The following ARPC5L variants were observed in gnomAD, a reference collection of about 807,000 sequenced individuals.
ARPC5L encodes the protein actin related protein 2/3 complex subunit 5 like.
Under a neutral mutation model 16.9 loss-of-function variants are expected in ARPC5L, and 4 were observed. The observed-to-expected ratio is 0.24, with a 90% CI of 0.12 to 0.54. The LOEUF (loss-of-function observed/expected upper bound fraction) is 0.54. Among genes scored for constraint, ARPC5L ranks in the 20% least tolerant of loss-of-function variants. The pLI is 0.95. For synonymous variants in ARPC5L, 78 were observed against 82.6 expected, an observed-to-expected ratio of 0.94 and a Z score of 0.30; for missense variants, 151 against 201.9, an observed-to-expected ratio of 0.75 and a Z score of 1.53.
At chr9:124,876,704 C>T (rs1201532371) in intron 5 of ARPC5L, among the ~76,000 whole-genome samples, 174 bp from the exon 6 acceptor site, 1 of 152,108 alleles carries the variant, frequency 6.6e-6, no homozygotes, top group Non-Finnish European at 1.5e-5. Flanking sequence ...CTCTCGGGAC[C>T]CCACGGCTCC....
At chr9:124,876,357 G>T (rs571480213) in intron 5 of ARPC5L, among the ~76,000 whole-genome samples, 1 of 151,464 alleles carries the variant, frequency 6.6e-6, no homozygotes, top group Non-Finnish European at 1.5e-5. Context: ...GGTGGTGGCG[G>T]GCGCCTGTAA....
chr9:124,864,753 C>T, intron 2 of ARPC5L, among the ~76,000 whole-genome samples: 1 of 152,204 alleles, frequency 6.6e-6, no homozygotes, highest in South Asian at 2.1e-4. Context: ...ATCCGCCTGC[C>T]TCAGCCTCCC....
rs1199351627 is a variant in ARPC5L, at chr9:124,877,121, G to C, written c.*181G>C. 6.6e-6 allele frequency: 4 copies of C among 604,132 alleles called. No individual in the cohort carries two copies. In the Admixed American group the frequency reaches 9.1e-5, roughly 14 times the overall value. 37.4% of individuals were successfully genotyped at this position (604,132 alleles called of 1,614,324 possible). ...GAAAATCGTCTGTTTCCTAAATCCT[G>C]TTTAGGATCTGATAGTCTATGCCTT... On this transcript the variant is annotated 3_prime_UTR_variant, in exon 6 of 6. Coordinates refer to ENST00000353214, the MANE Select transcript of ARPC5L (RefSeq NM_030978.3).
In ARPC5L at chr9:124,876,989, G is replaced by C. The variant is rs1035029786; in HGVS notation, c.*49G>C. On this transcript the variant is annotated 3_prime_UTR_variant, in exon 6 of 6. Coordinates refer to ENST00000353214, the MANE Select transcript of ARPC5L (RefSeq NM_030978.3). ...CCTTGAGAAGAATTCTGGATGCCCA[G>C]GCTGGTGAAGAAGGGATTGACAATG... 1.3e-6 allele frequency: 2 copies of C among 1,506,780 alleles called. No homozygotes were observed. Among genetic ancestry groups the C allele is most frequent in the Non-Finnish European group, 1.8e-6 (2 of 1,099,798 alleles). The allele number at this position is 1,506,780 out of a possible 1,614,324, so 93.3% of individuals were successfully genotyped here. A position where few individuals can be genotyped will look rare whatever the true frequency, so the allele number is the denominator to read the frequency against.
chr9:124,873,833 G>C, intron 4 of ARPC5L, 69 bp downstream of exon 4: 4 of 1,572,836 alleles, frequency 2.5e-6, no homozygotes, highest in Non-Finnish European at 3.5e-6. Context: ...TGCCCAGTGC[G>C]AGTGTGAGCT....
At chr9:124,871,639 A>G (rs1829361927) in intron 3 of ARPC5L, among the ~76,000 whole-genome samples, 1 of 152,236 alleles carries the variant, frequency 6.6e-6, no homozygotes, top group Admixed American at 6.5e-5. Flanking sequence ...AGCACCTGGC[A>G]CAGGATCCGA....
intron 2 of ARPC5L, among the ~76,000 whole-genome samples, chr9:124,867,787 C>A: frequency 6.6e-6 from 1 of 150,440 alleles, no homozygotes; most frequent in South Asian, 2.1e-4. Context: ...TCCAGGACCC[C>A]TGAGACTTTT....
At chr9:124,862,871 C>T (rs1011939432) in intron 1 of ARPC5L, among the ~76,000 whole-genome samples, 12 of 150,234 alleles carry the variant, frequency 8.0e-5, no homozygotes, top group Admixed American at 8.0e-4. Flanking sequence ...TTTTTTCAGA[C>T]AGGGTCTCGC....
chr9:124,874,367 C>G (rs1230505237), intron 4 of ARPC5L, among the ~76,000 whole-genome samples: 1 of 152,088 alleles, frequency 6.6e-6, no homozygotes, highest in Non-Finnish European at 1.5e-5. Flanking sequence ...TAGTCCACCA[C>G]CATTGTGGAG....
chr9:124,866,727 TA>T lies in ARPC5L; in HGVS notation c.-863-1692del, dbSNP rs201100977. Reference sequence around the variant, plus strand: ...GAGCAAAACTCCGTCTCAAAAAAATTAAAAAAAAATTTACCCAGCTTGTTCC... The same window carrying T: ...GAGCAAAACTCCGTCTCAAAAAAATTAAAAAAAATTTACCCAGCTTGTTCC... On this transcript the variant is annotated intron_variant, in intron 2 of 5. Coordinates refer to ENST00000353214, the MANE Select transcript of ARPC5L (RefSeq NM_030978.3). Among the ~76,000 whole-genome samples, 58 of 151,610 alleles carry T rather than the reference TA, an allele frequency of 3.8e-4. No individual in the cohort carries two copies. In the East Asian group the frequency reaches 0.011, roughly 29 times the overall value.
chr9:124,870,132 C>G (rs936787709), intron 3 of ARPC5L, among the ~76,000 whole-genome samples: 1 of 152,174 alleles, frequency 6.6e-6, no homozygotes, highest in Non-Finnish European at 1.5e-5. Context: ...TTGGCTCCCC[C>G]CAGTACCCTT....
At chr9:124,863,044 AG>A (rs1829225007) in intron 1 of ARPC5L, among the ~76,000 whole-genome samples, 1 of 151,878 alleles carries the variant, frequency 6.6e-6, no homozygotes. Context: ...GCTGTTGCCC[AG>A]GGTGGTCTCC....
intron 3 of ARPC5L, 137 bp downstream of exon 3, chr9:124,869,576 G>C: frequency 7.4e-7 from 1 of 1,343,218 alleles, no homozygotes; most frequent in Non-Finnish European, 9.6e-7. Context: ...CCAGCTCCCT[G>C]CCGACCCGGC....
chr9:124,873,874 CT>C, intron 4 of ARPC5L, 110 bp downstream of exon 4: 1 of 1,328,626 alleles, frequency 7.5e-7, no homozygotes, highest in East Asian at 2.3e-5. Context: ...TGAGTTGGCA[CT>C]GGGCGGGGCT....
Position 124,869,187 on chromosome 9 carries a change from G to GCCGGGCAGCCGCTTCCCGCCC in ARPC5L, c.-100_-80dup. On this transcript the variant is annotated 5_prime_UTR_variant, in exon 3 of 6. Transcript: ENST00000353214. Reference sequence around the variant, plus strand: ...GGCGGTGGAGGAGGTGCTGGGAGCAGCCGGGCAGCCGCTTCCCGCCCCCGA... The same window carrying GCCGGGCAGCCGCTTCCCGCCC: ...GGCGGTGGAGGAGGTGCTGGGAGCAGCCGGGCAGCCGCTTCCCGCCCCCGGGCAGCCGCTTCCCGCCCCCGA... The GCCGGGCAGCCGCTTCCCGCCC allele has an allele frequency of 1.6e-6, 2 of 1,273,790 alleles. No individual in the cohort carries two copies. Among genetic ancestry groups the GCCGGGCAGCCGCTTCCCGCCC allele is most frequent in the Non-Finnish European group, 1.0e-6 (1 of 986,486 alleles). The allele number at this position is 1,273,790 out of a possible 1,614,324, so 78.9% of individuals were successfully genotyped here. A position where few individuals can be genotyped will look rare whatever the true frequency, so the allele number is the denominator to read the frequency against.
chr9:124,869,933 G>A (rs1000820478), intron 3 of ARPC5L, among the ~76,000 whole-genome samples: 1 of 152,224 alleles, frequency 6.6e-6, no homozygotes, highest in African/African-American at 2.4e-5. Flanking sequence ...AAGATAGGTG[G>A]GTGGACGGCT....
intron 2 of ARPC5L, among the ~76,000 whole-genome samples, chr9:124,867,291 G>A (rs972470424): frequency 6.6e-6 from 1 of 152,024 alleles, no homozygotes; most frequent in Admixed American, 6.6e-5. Flanking sequence ...ACAGGTGTGC[G>A]CCATCATGCC....
intron 3 of ARPC5L, among the ~76,000 whole-genome samples, chr9:124,869,891 G>T (rs574104096): frequency 2.6e-5 from 4 of 152,246 alleles, no homozygotes; most frequent in Non-Finnish European, 5.9e-5. Context: ...GCTGGGGCGC[G>T]GTCCTCCGGG....
chr9:124,868,078 G>A (rs1488781470), intron 2 of ARPC5L, among the ~76,000 whole-genome samples: 2 of 152,062 alleles, frequency 1.3e-5, no homozygotes, highest in African/African-American at 4.8e-5. Context: ...AAAGTGCTGA[G>A]GATTACAGGC....
Sources: gnomAD v4.1 joint callset for allele counts (sites outside exome capture counted in the v4.1 genomes callset) on GRCh38, gnomAD v4.1.1 for gene constraint, MANE v1.5 for transcripts, NCBI Gene and HGNC (gene_info 2026-07-23, HGNC 2026-07-21) for gene names.